TMEM38B: variants seen among roughly 807,000 people sequenced by gnomAD.
The protein encoded by TMEM38B is transmembrane protein 38B, also known as trimeric intracellular cation channel type B.
TMEM38B carries 24 observed loss-of-function variants against 28.7 expected under a neutral mutation model. That is an observed-to-expected ratio of 0.84 (90% CI 0.61 to 1.18). The LOEUF (loss-of-function observed/expected upper bound fraction) is 1.18, where lower values mean the gene tolerates loss of function less well. Ranked by LOEUF, TMEM38B falls within the 50% of genes most tolerant of loss-of-function variation. The pLI is 0.00. For missense variants in TMEM38B, 380 were observed against 350.9 expected, an observed-to-expected ratio of 1.08 and a Z score of -0.66; for synonymous variants, 131 against 127.7, an observed-to-expected ratio of 1.03 and a Z score of -0.17.
chr9:105,713,062 C>T (rs533367215), intron 2 of TMEM38B, among the ~76,000 whole-genome samples: 1 of 152,346 alleles, frequency 6.6e-6, no homozygotes, highest in East Asian at 1.9e-4. Context: ...TGGGGACATG[C>T]GGGAGCCCTG....
At chr9:105,722,664 T>G (rs1221049069) in intron 4 of TMEM38B, 43 bp downstream of exon 4, 1 of 1,506,778 alleles carries the variant, frequency 6.6e-7, no homozygotes, top group African/African-American at 1.4e-5. Context: ...TGTTTATCCT[T>G]AGATCTTACC....
chr9:105,699,964 A>G (rs938143707), intron 1 of TMEM38B, among the ~76,000 whole-genome samples: 6 of 152,112 alleles, frequency 3.9e-5, no homozygotes, highest in Non-Finnish European at 8.8e-5. Context: ...CTTTTAATCT[A>G]TCTTATCTTA....
intron 2 of TMEM38B, among the ~76,000 whole-genome samples, chr9:105,718,501 G>A (rs1836196623): frequency 6.6e-6 from 1 of 152,196 alleles, no homozygotes; most frequent in Non-Finnish European, 1.5e-5. Flanking sequence ...GCCTCCCAAA[G>A]TGCTGGGATT....
chr9:105,760,962 A>G (rs878881865), intron 5 of TMEM38B, among the ~76,000 whole-genome samples: 1 of 152,236 alleles, frequency 6.6e-6, no homozygotes, highest in South Asian at 2.1e-4. Flanking sequence ...AATAGGTGAT[A>G]CCAAATACTT....
intron 1 of TMEM38B, among the ~76,000 whole-genome samples, chr9:105,704,917 CT>C (rs1174757900): frequency 1.3e-5 from 2 of 149,970 alleles, no homozygotes; most frequent in African/African-American, 5.0e-5. Flanking sequence ...GAGCAAGACT[CT>C]ATCTCAAAGT....
chr9:105,765,610 G>GT (rs1362896615), intron 5 of TMEM38B, among the ~76,000 whole-genome samples: 1 of 152,026 alleles, frequency 6.6e-6, no homozygotes. Context: ...TACTCATTTT[G>GT]TTTTTGAGAT....
chr9:105,774,707 TTTTA>T lies in TMEM38B; in HGVS notation c.*628_*631del. 1 of 152,016 alleles carries T rather than the reference TTTTA, an allele frequency of 6.6e-6. No homozygotes were observed. The highest frequency in any genetic ancestry group is 1.9e-4 in the East Asian group (1 of 5,192). 9.4% of individuals were successfully genotyped at this position (152,016 alleles called of 1,614,324 possible). A position where few individuals can be genotyped will look rare whatever the true frequency, so the allele number is the denominator to read the frequency against. On this transcript the variant is annotated 3_prime_UTR_variant, in exon 6 of 6. Transcript: ENST00000374692. ...AGCAGGTATTTTCTACTAGAAGTAG[TTTTA>T]CTACTTTTCATTTAGAACAGAGTAT...
In TMEM38B at chr9:105,773,879, T is replaced by C; in HGVS notation, c.675T>C (p.Thr225=). ...TTTTCCCCCAGATAACCATGATGAC[T>C]ACACAGACTTCTACTATGACATTTG... ...FIVATKITMM[T]TQTSTMTFAP... is the part of the protein sequence containing the mutation. The change falls in exon 6 of 6, where the codon ACT becomes ACC. Residue 225 remains threonine (T), a synonymous_variant. Transcript: ENST00000374692. The C allele has an allele frequency of 1.2e-6, 2 of 1,613,516 alleles. No individual in the cohort carries two copies. Among genetic ancestry groups the C allele is most frequent in the Non-Finnish European group, 1.7e-6 (2 of 1,179,604 alleles).
At chr9:105,759,666 A>T in intron 5 of TMEM38B, 1 of 1,601,494 alleles carries the variant, frequency 6.2e-7, no homozygotes, top group Non-Finnish European at 8.5e-7. Flanking sequence ...ACATAGAAGG[A>T]CAAAATACTA....
chr9:105,746,039 G>C (rs1243192024), intron 4 of TMEM38B, among the ~76,000 whole-genome samples: 7 of 152,098 alleles, frequency 4.6e-5, no homozygotes, highest in Non-Finnish European at 1.0e-4. Context: ...TGTTCTTTTG[G>C]CTTAGGATTG....
intron 5 of TMEM38B, among the ~76,000 whole-genome samples, chr9:105,754,813 C>T (rs1376613612): frequency 6.6e-6 from 1 of 151,950 alleles, no homozygotes; most frequent in Non-Finnish European, 1.5e-5. Flanking sequence ...AAAAGCCCTT[C>T]AAAAAAATCA....
chr9:105,759,804 G>A, intron 5 of TMEM38B: 1 of 1,608,186 alleles, frequency 6.2e-7, no homozygotes, highest in East Asian at 2.2e-5. Flanking sequence ...ACCAAGAGGA[G>A]TTGTGTAATG....
In TMEM38B at chr9:105,758,064, C is replaced by T. The variant is rs565353096; in HGVS notation, c.660+9874C>T. 1.4e-4 allele frequency: 43 copies of T among 317,530 alleles called. No homozygotes were observed. In the Admixed American group the frequency reaches 1.5e-3, roughly 11 times the overall value. 19.7% of individuals were successfully genotyped at this position (317,530 alleles called of 1,614,324 possible). A position where few individuals can be genotyped will look rare whatever the true frequency, so the allele number is the denominator to read the frequency against. On this transcript the variant is annotated intron_variant, in intron 5 of 5. Coordinates refer to ENST00000374692, the MANE Select transcript of TMEM38B (RefSeq NM_018112.3). ...CTTTAGCAGATGCTATTCAAATCGG[C>T]GGCAGGGCCAGTGGTTGTGCTGAGA...
At chr9:105,727,277 CT>C (rs1462396141) in intron 4 of TMEM38B, among the ~76,000 whole-genome samples, 1 of 152,066 alleles carries the variant, frequency 6.6e-6, no homozygotes, top group African/African-American at 2.4e-5. Context: ...GTATATTTGA[CT>C]TTTTTTCCCC....
intron 4 of TMEM38B, among the ~76,000 whole-genome samples, chr9:105,737,039 T>C (rs1837010742): frequency 6.6e-6 from 1 of 152,222 alleles, no homozygotes; most frequent in South Asian, 2.1e-4. Context: ...TCTTGGTGTC[T>C]GATCTGACAT....
Position 105,722,494 on chromosome 9 carries a change from A to T in TMEM38B, c.455-40A>T. The T allele has an allele frequency of 1.3e-6, 2 of 1,522,334 alleles. 1 individual carries two copies. Among genetic ancestry groups the T allele is most frequent in the Middle Eastern group, 3.4e-4 (2 of 5,834 alleles). 94.3% of individuals were successfully genotyped at this position (1,522,334 alleles called of 1,614,324 possible). A position where few individuals can be genotyped will look rare whatever the true frequency, so the allele number is the denominator to read the frequency against. ...TCCCTTTAAATATGTTTTACAGGAA[A>T]ATTTGGCCAAATATTCTTGTTTTAT... On this transcript the variant is annotated intron_variant, in intron 3 of 5. Coordinates refer to ENST00000374692, the MANE Select transcript of TMEM38B (RefSeq NM_018112.3).
chr9:105,744,109 T>C (rs972142765), intron 4 of TMEM38B, among the ~76,000 whole-genome samples: 3 of 151,950 alleles, frequency 2.0e-5, no homozygotes, highest in Non-Finnish European at 4.4e-5. Context: ...ACCAAAACCA[T>C]GGGTTGGGAT....
At chr9:105,770,951 A>ATT (rs1474123074) in intron 5 of TMEM38B, among the ~76,000 whole-genome samples, 4 of 152,202 alleles carry the variant, frequency 2.6e-5, no homozygotes, top group Non-Finnish European at 5.9e-5. Context: ...ACTATAGAGA[A>ATT]TATCAAAGTA....
At chr9:105,719,099 G>A (rs1836223380) in intron 2 of TMEM38B, among the ~76,000 whole-genome samples, 2 of 152,188 alleles carry the variant, frequency 1.3e-5, no homozygotes, top group Admixed American at 6.5e-5. Flanking sequence ...CAATGACTAA[G>A]CCTGGGAAGC....
Sources: gnomAD v4.1 joint callset for allele counts (sites outside exome capture counted in the v4.1 genomes callset) on GRCh38, gnomAD v4.1.1 for gene constraint, MANE v1.5 for transcripts, NCBI Gene and HGNC (gene_info 2026-07-23, HGNC 2026-07-21) for gene names.